The following PDE4D variants were observed in gnomAD, a reference collection of about 807,000 sequenced individuals.
The protein encoded by PDE4D is phosphodiesterase 4D.
PDE4D carries 24 observed loss-of-function variants against 87.4 expected under a neutral mutation model. The ratio of observed to expected loss-of-function variants is 0.27; its 90% CI spans 0.20 to 0.39. The LOEUF (loss-of-function observed/expected upper bound fraction) is 0.39, where lower values mean the gene tolerates loss of function less well. Ranked by LOEUF, PDE4D falls within the 10% of genes least tolerant of loss-of-function variation. The pLI, the probability that PDE4D is intolerant of heterozygous loss-of-function variation, is 1.00. For missense variants in PDE4D, 714 were observed against 1,041.0 expected (o/e 0.69, Z 4.32); for synonymous variants, 384 against 383.2 (o/e 1.00, Z -0.02).
intron 3 of PDE4D, among the ~76,000 whole-genome samples, chr5:59,899,299 A>G (rs1480431840): frequency 6.6e-6 from 1 of 152,136 alleles, no homozygotes; most frequent in Non-Finnish European, 1.5e-5. Context: ...TTGTCTCAAC[A>G]TTAATTCAGC....
At chr5:59,362,221 G>T (rs1309249081) in intron 1 of PDE4D, among the ~76,000 whole-genome samples, 1 of 152,180 alleles carries the variant, frequency 6.6e-6, no homozygotes, top group African/African-American at 2.4e-5. Flanking sequence ...AAGCTTTTGG[G>T]AGAGGTAGGA....
At position 59,051,466 on chromosome 5, in the gene PDE4D, G is replaced by A. The variant is rs1761544214; in HGVS notation, c.809-12495C>T. 2.6e-5 allele frequency among the ~76,000 whole-genome samples: 4 copies of A among 152,322 alleles called. No homozygotes were observed. The South Asian group carries it at 8.3e-4, about 32-fold the overall frequency. On this transcript the variant is annotated intron_variant, in intron 5 of 14. Coordinates refer to ENST00000340635, the MANE Select transcript of PDE4D (RefSeq NM_001104631.2). ...GTATTTGTCATTGGTTAATGACAGA[G>A]CATCACTTACACTGAGGTTACTGGG...
intron 1 of PDE4D, among the ~76,000 whole-genome samples, chr5:59,804,797 TG>T (rs1253397390): frequency 1.3e-5 from 2 of 152,190 alleles, no homozygotes; most frequent in Admixed American, 1.3e-4. Context: ...TTCTATTTTT[TG>T]TTTTTTCTTT....
intron 1 of PDE4D, among the ~76,000 whole-genome samples, chr5:59,387,243 A>G (rs998825235): frequency 6.6e-6 from 1 of 152,186 alleles, no homozygotes; most frequent in Admixed American, 6.5e-5. Context: ...GATATTTACA[A>G]TATTTATTTA....
chr5:59,971,371 T>TAAATAAATAAATAAAC (rs1322330645), intron 3 of PDE4D, among the ~76,000 whole-genome samples: 1 of 148,146 alleles, frequency 6.8e-6, no homozygotes, highest in Admixed American at 6.7e-5. Flanking sequence ...AAAAAATAAA[T>TAAATAAATAAATAAAC]AAATAAATAA....
chr5:59,046,260 G>A (rs560920879), intron 5 of PDE4D, among the ~76,000 whole-genome samples: 18 of 152,302 alleles, frequency 1.2e-4, no homozygotes, highest in Middle Eastern at 3.4e-3. Context: ...AGTTGCTAGA[G>A]AGGGAATATG....
At chr5:60,422,359 T>C (rs936493903) in intron 1 of PDE4D, among the ~76,000 whole-genome samples, 5 of 152,166 alleles carry the variant, frequency 3.3e-5, no homozygotes, top group South Asian at 2.1e-4. Context: ...GCAGAAACCT[T>C]ATAAGACAGA....
At chr5:59,675,136 T>C (rs187766977) in intron 1 of PDE4D, among the ~76,000 whole-genome samples, 318 of 152,290 alleles carry the variant, frequency 2.1e-3, no homozygotes, top group Non-Finnish European at 3.6e-3. Flanking sequence ...TAGAGAAAAT[T>C]TAGAAAAAGT....
At chr5:60,141,452 A>G (rs1780528921) in intron 2 of PDE4D, among the ~76,000 whole-genome samples, 1 of 152,174 alleles carries the variant, frequency 6.6e-6, no homozygotes, top group Non-Finnish European at 1.5e-5. Context: ...TGAGGCAGAG[A>G]GTAGAAGGGA....
chr5:59,050,046 C>G (rs2153402943), intron 5 of PDE4D, among the ~76,000 whole-genome samples: 1 of 152,252 alleles, frequency 6.6e-6, no homozygotes, highest in Admixed American at 6.5e-5. Flanking sequence ...GGTGGATCAC[C>G]TGAGGTCAAG....
At chr5:59,761,674 T>C (rs551254797) in intron 1 of PDE4D, among the ~76,000 whole-genome samples, 1 of 152,180 alleles carries the variant, frequency 6.6e-6, no homozygotes, top group African/African-American at 2.4e-5. Context: ...CACTGGAAGC[T>C]CTTCTGGGGC....
intron 2 of PDE4D, among the ~76,000 whole-genome samples, chr5:60,047,930 G>C (rs1232258277): frequency 1.3e-5 from 2 of 152,060 alleles, no homozygotes; most frequent in African/African-American, 2.4e-5. Flanking sequence ...TGTTGACTTT[G>C]TGTCTCGTTG....
intron 1 of PDE4D, among the ~76,000 whole-genome samples, chr5:59,675,286 C>T (rs990386875): frequency 7.2e-5 from 11 of 151,762 alleles, no homozygotes; most frequent in African/African-American, 2.7e-4. Flanking sequence ...AACCAACATC[C>T]CCATCAGTAC....
At chr5:60,189,522 T>C (rs1359205012) in intron 1 of PDE4D, among the ~76,000 whole-genome samples, 1 of 152,162 alleles carries the variant, frequency 6.6e-6, no homozygotes, top group African/African-American at 2.4e-5. Context: ...TTCCGGGGAC[T>C]TTAAGTTCCC....
Position 59,283,901 on chromosome 5 carries a change from T to C in PDE4D, c.456-67933A>G, listed in dbSNP as rs139823022. On this transcript the variant is annotated intron_variant, in intron 1 of 14. Coordinates refer to ENST00000340635, the MANE Select transcript of PDE4D (RefSeq NM_001104631.2). Reference sequence around the variant, plus strand: ...GGATTCAAATCCCACAGACACTGTTTAGCTATCGATTTGGACTCTGTAAGC... The same window carrying C: ...GGATTCAAATCCCACAGACACTGTTCAGCTATCGATTTGGACTCTGTAAGC... 1.7e-3 allele frequency among the ~76,000 whole-genome samples: 259 copies of C among 152,302 alleles called. 1 individual carries two copies. Among genetic ancestry groups the C allele is most frequent in the African/African-American group, 5.7e-3 (236 of 41,572 alleles).
intron 2 of PDE4D, among the ~76,000 whole-genome samples, chr5:60,032,179 G>C (rs983733891): frequency 6.6e-6 from 1 of 152,062 alleles, no homozygotes; most frequent in African/African-American, 2.4e-5. Flanking sequence ...TTATAGATTA[G>C]GCTATGTCTA....
chr5:59,346,950 C>T (rs1001238569), intron 1 of PDE4D, among the ~76,000 whole-genome samples: 2 of 152,158 alleles, frequency 1.3e-5, no homozygotes, highest in African/African-American at 2.4e-5. Flanking sequence ...CTTCATAGAA[C>T]CCACAAATAA....
intron 3 of PDE4D, among the ~76,000 whole-genome samples, chr5:59,958,944 T>C: frequency 6.6e-6 from 1 of 152,136 alleles, no homozygotes; most frequent in East Asian, 1.9e-4. Flanking sequence ...TAGACAAACC[T>C]AATGTCTCCA....
At chr5:59,718,687 T>C (rs890213634) in intron 1 of PDE4D, among the ~76,000 whole-genome samples, 3 of 152,086 alleles carry the variant, frequency 2.0e-5, no homozygotes, top group Admixed American at 1.3e-4. Context: ...GATCTCGAGA[T>C]TGTGCTCAAC....
Sources: gnomAD v4.1 joint callset for allele counts (sites outside exome capture counted in the v4.1 genomes callset) on GRCh38, gnomAD v4.1.1 for gene constraint, MANE v1.5 for transcripts, NCBI Gene and HGNC (gene_info 2026-07-23, HGNC 2026-07-21) for gene names.